Variants in GRM3 observed in about 807,000 individuals in gnomAD.
GRM3 encodes metabotropic glutamate receptor 3.
Under a neutral mutation model 70.5 loss-of-function variants are expected in GRM3, and 26 were observed. That is an observed-to-expected ratio of 0.37 (90% CI 0.27 to 0.51). GRM3 has a LOEUF of 0.51. GRM3 is among the 20% of genes least tolerant of loss of function. The pLI, the probability that GRM3 is intolerant of heterozygous loss-of-function variation, is 0.93. For synonymous variants in GRM3, 443 were observed against 434.9 expected (o/e 1.02, Z -0.23); for missense variants, 859 against 1,123.8 (o/e 0.76, Z 3.37).
chr7:86,660,729 A>T (rs1207819757), intron 1 of GRM3, among the ~76,000 whole-genome samples: 1 of 152,044 alleles, frequency 6.6e-6, no homozygotes, highest in Non-Finnish European at 1.5e-5. Flanking sequence ...GCATTTGAAG[A>T]TTAATCATGA....
chr7:86,751,773 A>T (rs1482134610), intron 1 of GRM3, among the ~76,000 whole-genome samples: 1 of 152,110 alleles, frequency 6.6e-6, no homozygotes, highest in Non-Finnish European at 1.5e-5. Context: ...AATGAGAAGG[A>T]GGCCTCTGCA....
At chr7:86,767,958 A>G (rs1043482927) in intron 2 of GRM3, among the ~76,000 whole-genome samples, 1 of 151,964 alleles carries the variant, frequency 6.6e-6, no homozygotes, top group Admixed American at 6.6e-5. Context: ...GACCTATCTC[A>G]TTAGGTTTTT....
Position 86,839,593 on chromosome 7 carries a change from G to A in GRM3, c.2079G>A (p.Leu693=). 1 of 1,613,840 alleles carries A rather than the reference G, an allele frequency of 6.2e-7. No individual in the cohort carries two copies. The highest frequency in any genetic ancestry group is 8.5e-7 in the Non-Finnish European group (1 of 1,179,900). ...CCAGTTCTCAGGTTTTCATCTGCCT[G>A]GGTCTGATCCTGGTGCAAATTGTGA... is the stretch of plus-strand genomic sequence containing the variant. ...ISPSSQVFIC[L]GLILVQIVMV... The change falls in exon 4 of 6, where the codon CTG becomes CTA. Residue 693 remains leucine, a synonymous_variant. Coordinates refer to ENST00000361669, the MANE Select transcript of GRM3 (RefSeq NM_000840.3). The surrounding 1 kb of genome is among the most constrained non-coding windows in gnomAD (Gnocchi z 4.5).
intron 1 of GRM3, among the ~76,000 whole-genome samples, chr7:86,691,200 T>G (rs1040172027): frequency 1.3e-5 from 2 of 152,082 alleles, no homozygotes; most frequent in Non-Finnish European, 2.9e-5. Context: ...TTTCATAATT[T>G]CCACCACTAC....
intron 3 of GRM3, among the ~76,000 whole-genome samples, chr7:86,823,956 C>T (rs574441034): frequency 1.1e-3 from 173 of 152,232 alleles, no homozygotes; most frequent in African/African-American, 4.0e-3. Context: ...CCTTCCCCAC[C>T]TGTTGCAGTG....
chr7:86,698,119 C>G (rs983642278), intron 1 of GRM3, among the ~76,000 whole-genome samples: 1 of 152,046 alleles, frequency 6.6e-6, no homozygotes, highest in Non-Finnish European at 1.5e-5. Flanking sequence ...TATCCTTTTA[C>G]CCGTCCATTT....
At chr7:86,698,371 T>C (rs1389305108) in intron 1 of GRM3, among the ~76,000 whole-genome samples, 1 of 151,888 alleles carries the variant, frequency 6.6e-6, no homozygotes, top group Admixed American at 6.6e-5. Context: ...ACTCTTTGTC[T>C]GGGGCTCAGT....
intron 3 of GRM3, among the ~76,000 whole-genome samples, chr7:86,794,723 T>A (rs1417039076): frequency 6.6e-6 from 1 of 152,172 alleles, no homozygotes; most frequent in Non-Finnish European, 1.5e-5. Context: ...ACCCCTAGCA[T>A]GGTTCCTGGG....
intron 1 of GRM3, among the ~76,000 whole-genome samples, chr7:86,662,469 A>C (rs536348825): frequency 1.3e-5 from 2 of 152,060 alleles, no homozygotes; most frequent in African/African-American, 4.8e-5. Context: ...TGAGCAGGGC[A>C]TATTACCATA....
At chr7:86,742,880 C>T (rs542537136) in intron 1 of GRM3, among the ~76,000 whole-genome samples, 8 of 152,154 alleles carry the variant, frequency 5.3e-5, no homozygotes, top group African/African-American at 9.6e-5. Flanking sequence ...ATAATGAAAG[C>T]GCTTCGAGGT....
intron 1 of GRM3, among the ~76,000 whole-genome samples, chr7:86,741,581 C>T (rs369771977): frequency 1.3e-5 from 2 of 152,180 alleles, no homozygotes; most frequent in East Asian, 3.9e-4. Context: ...TTTCAGCTCA[C>T]TAATTTGCTA....
intron 1 of GRM3, among the ~76,000 whole-genome samples, chr7:86,718,181 G>A (rs957948562): frequency 6.6e-6 from 1 of 151,886 alleles, no homozygotes; most frequent in Non-Finnish European, 1.5e-5. Flanking sequence ...CTTCAGCTTG[G>A]CTGACCTTAA....
chr7:86,673,512 A>G (rs1794226107), intron 1 of GRM3, among the ~76,000 whole-genome samples: 1 of 151,964 alleles, frequency 6.6e-6, no homozygotes, highest in Non-Finnish European at 1.5e-5. Flanking sequence ...GGTTTCCTTC[A>G]TATCTTCCTG....
chr7:86,798,872 C>G (rs1249494802), intron 3 of GRM3, among the ~76,000 whole-genome samples: 1 of 139,302 alleles, frequency 7.2e-6, no homozygotes, highest in Admixed American at 7.0e-5. Flanking sequence ...GGAGAGTTCC[C>G]CTCTTCTTGC....
At chr7:86,656,648 G>A (rs887496356) in intron 1 of GRM3, among the ~76,000 whole-genome samples, 6 of 151,652 alleles carry the variant, frequency 4.0e-5, no homozygotes, top group African/African-American at 9.7e-5. Flanking sequence ...AATGTAATAC[G>A]CTCACTTGCT....
chr7:86,741,290 C>G (rs182259811), intron 1 of GRM3, among the ~76,000 whole-genome samples: 4 of 151,982 alleles, frequency 2.6e-5, no homozygotes, highest in African/African-American at 9.7e-5. Context: ...GGCGGTGGGC[C>G]GGACAGGAAA....
intron 1 of GRM3, among the ~76,000 whole-genome samples, chr7:86,695,666 T>C (rs1299063720): frequency 6.6e-6 from 1 of 151,976 alleles, no homozygotes. Flanking sequence ...AACAAAAAAG[T>C]GAAAGTAACA....
intron 1 of GRM3, among the ~76,000 whole-genome samples, chr7:86,721,971 G>T (rs891667930): frequency 1.3e-5 from 2 of 152,126 alleles, no homozygotes; most frequent in Non-Finnish European, 2.9e-5. Context: ...GAACCTTAAA[G>T]TTGAGAAGGT....
intron 1 of GRM3, among the ~76,000 whole-genome samples, chr7:86,737,001 T>A (rs921009911): frequency 6.6e-5 from 10 of 151,580 alleles, no homozygotes; most frequent in Admixed American, 6.6e-4. Context: ...AAGTCCTACA[T>A]CACCAGTCCT....
Sources: gnomAD v4.1 joint callset for allele counts (sites outside exome capture counted in the v4.1 genomes callset) on GRCh38, gnomAD v4.1.1 for gene constraint, Gnocchi (gnomAD v3.1) non-coding constraint, MANE v1.5 for transcripts, NCBI Gene and HGNC (gene_info 2026-07-23, HGNC 2026-07-21) for gene names.